NALF1: variants seen among roughly 807,000 people sequenced by gnomAD.
The protein encoded by NALF1 is family with sequence similarity 155 member A.
In NALF1, 3 loss-of-function variants were observed where a neutral mutation model predicts 48.4. That is an observed-to-expected ratio of 0.06 (90% CI 0.03 to 0.16). The LOEUF is 0.16. NALF1 is among the 10% of genes least tolerant of loss of function. The pLI is 1.00. For synonymous variants in NALF1, 262 were observed against 245.7 expected, an observed-to-expected ratio of 1.07 and a Z score of -0.62; for missense variants, 526 against 571.5, an observed-to-expected ratio of 0.92 and a Z score of 0.81.
At chr13:107,593,008 C>T (rs980968705) in intron 1 of NALF1, among the ~76,000 whole-genome samples, 8 of 151,830 alleles carry the variant, frequency 5.3e-5, no homozygotes, top group East Asian at 1.9e-4. Flanking sequence ...TTTTAGTTAA[C>T]GCTGTTGATC....
chr13:107,520,730 G>A (rs531140068), intron 1 of NALF1, among the ~76,000 whole-genome samples: 24 of 152,268 alleles, frequency 1.6e-4, no homozygotes, highest in Middle Eastern at 3.4e-3. Context: ...CTGCCTGCCC[G>A]TGCATCATAG....
At chr13:107,467,711 C>T (rs1306562710) in intron 1 of NALF1, among the ~76,000 whole-genome samples, 1 of 151,996 alleles carries the variant, frequency 6.6e-6, no homozygotes, top group African/African-American at 2.4e-5. Flanking sequence ...TACTTTAAAC[C>T]ATCAGTAAAA....
intron 1 of NALF1, among the ~76,000 whole-genome samples, chr13:107,547,966 C>G (rs1877178710): frequency 2.0e-5 from 3 of 151,990 alleles, no homozygotes. Context: ...GTCTAGAAAG[C>G]CCCTTCCTAT....
chr13:107,481,275 CCT>C (rs1291846700), intron 1 of NALF1, among the ~76,000 whole-genome samples: 5 of 152,062 alleles, frequency 3.3e-5, no homozygotes, highest in African/African-American at 7.2e-5. Flanking sequence ...GAAAAATCTC[CCT>C]GAGACTGAAA....
chr13:107,212,150 G>T (rs187899739), intron 1 of NALF1, among the ~76,000 whole-genome samples: 4 of 152,180 alleles, frequency 2.6e-5, no homozygotes, highest in East Asian at 1.9e-4. Context: ...GTAGAAGGAG[G>T]ATTGTATTTT....
At chr13:107,305,934 T>C (rs1042713320) in intron 1 of NALF1, among the ~76,000 whole-genome samples, 6 of 152,170 alleles carry the variant, frequency 3.9e-5, no homozygotes, top group Non-Finnish European at 8.8e-5. Flanking sequence ...CTAAGATATA[T>C]GTATTTTGAT....
At chr13:107,743,107 T>A (rs2138545931) in intron 1 of NALF1, among the ~76,000 whole-genome samples, 1 of 152,292 alleles carries the variant, frequency 6.6e-6, no homozygotes, top group African/African-American at 2.4e-5. Flanking sequence ...CCTCAAATAG[T>A]ACCAGAGGGA....
intron 1 of NALF1, among the ~76,000 whole-genome samples, chr13:107,715,682 A>G (rs1348255679): frequency 1.3e-5 from 2 of 152,180 alleles, no homozygotes. Flanking sequence ...GGGAAAAGTG[A>G]GCCCTTCAGC....
At chr13:107,415,183 A>C (rs1884064205) in intron 1 of NALF1, among the ~76,000 whole-genome samples, 2 of 152,318 alleles carry the variant, frequency 1.3e-5, no homozygotes, top group South Asian at 4.1e-4. Context: ...TATCGATGAA[A>C]TTCTCTGCTT....
intron 1 of NALF1, among the ~76,000 whole-genome samples, chr13:107,325,366 A>G (rs1882331915): frequency 6.6e-6 from 1 of 152,186 alleles, no homozygotes; most frequent in Admixed American, 6.5e-5. Context: ...TTTAAAGTTA[A>G]CACTCAAGAC....
chr13:107,704,009 A>G (rs1312595275), intron 1 of NALF1, among the ~76,000 whole-genome samples: 1 of 152,178 alleles, frequency 6.6e-6, no homozygotes, highest in Admixed American at 6.5e-5. Flanking sequence ...AATGCCAGGA[A>G]ACATGTCCAT....
intron 1 of NALF1, among the ~76,000 whole-genome samples, chr13:107,273,836 G>T (rs1420424714): frequency 6.6e-6 from 1 of 152,120 alleles, no homozygotes; most frequent in African/African-American, 2.4e-5. Context: ...GCTGAGCATG[G>T]CATCTTCCAA....
chr13:107,524,980 T>C (rs181170233), intron 1 of NALF1, among the ~76,000 whole-genome samples: 39 of 152,108 alleles, frequency 2.6e-4, no homozygotes, highest in Non-Finnish European at 4.0e-4. Flanking sequence ...CCAGGAGACA[T>C]AGAGAGCTTC....
At chr13:107,511,513 C>A (rs183309892) in intron 1 of NALF1, among the ~76,000 whole-genome samples, 137 of 152,128 alleles carry the variant, frequency 9.0e-4, no homozygotes, top group African/African-American at 3.2e-3. Context: ...CAGCCAATAC[C>A]AACAAGATGA....
chr13:107,842,213 T>C (rs1296888374), intron 1 of NALF1, among the ~76,000 whole-genome samples: 1 of 151,944 alleles, frequency 6.6e-6, no homozygotes, highest in African/African-American at 2.4e-5. Context: ...GATATCAGAG[T>C]TGAAAAAAAA....
intron 1 of NALF1, among the ~76,000 whole-genome samples, chr13:107,664,913 G>C (rs1304529262): frequency 1.3e-5 from 2 of 151,688 alleles, no homozygotes; most frequent in Non-Finnish European, 2.9e-5. Flanking sequence ...CCAGCTCTTT[G>C]GTTTCAACTG....
chr13:107,192,780 C>A (rs1349379764), intron 2 of NALF1, among the ~76,000 whole-genome samples: 1 of 152,086 alleles, frequency 6.6e-6, no homozygotes, highest in Non-Finnish European at 1.5e-5. Context: ...GAAAATGAGC[C>A]ATATAATATA....
intron 2 of NALF1, among the ~76,000 whole-genome samples, chr13:107,179,671 T>A (rs1167739736): frequency 8.0e-5 from 11 of 137,638 alleles, no homozygotes; most frequent in Non-Finnish European, 1.2e-4. Flanking sequence ...TTTTGAAAAC[T>A]AAAAAAAAAA....
At chr13:107,504,642 AT>A (rs1875638819) in intron 1 of NALF1, among the ~76,000 whole-genome samples, 1 of 152,146 alleles carries the variant, frequency 6.6e-6, no homozygotes, top group African/African-American at 2.4e-5. Context: ...GCCCCCCTAA[AT>A]ATGACCTCAA....
Sources: gnomAD v4.1 joint callset for allele counts (sites outside exome capture counted in the v4.1 genomes callset) on GRCh38, gnomAD v4.1.1 for gene constraint, MANE v1.5 for transcripts, NCBI Gene and HGNC (gene_info 2026-07-23, HGNC 2026-07-21) for gene names.